Variants in STING1 observed in about 807,000 individuals in gnomAD.
STING1 encodes stimulator of interferon response cGAMP interactor 1.
In STING1, 19 loss-of-function variants were observed where a neutral mutation model predicts 31.6. The ratio of observed to expected loss-of-function variants is 0.60; its 90% CI spans 0.42 to 0.88. The LOEUF (loss-of-function observed/expected upper bound fraction) is 0.88, where lower values mean the gene tolerates loss of function less well. Ranked by LOEUF, STING1 falls within the 40% of genes least tolerant of loss-of-function variation. The pLI is 0.00. For synonymous variants in STING1, 200 were observed against 208.6 expected (o/e 0.96, Z 0.35); for missense variants, 371 against 483.7 (o/e 0.77, Z 2.19).
chr5:139,477,025 C>T (rs1030151538), intron 7 of STING1, among the ~76,000 whole-genome samples: 1 of 152,086 alleles, frequency 6.6e-6, no homozygotes, highest in African/African-American at 2.4e-5. Flanking sequence ...GTAGTAGAGC[C>T]GAGGCTGCAG....
At chr5:139,477,002 A>T (rs1244352764) in intron 7 of STING1, among the ~76,000 whole-genome samples, 1 of 151,976 alleles carries the variant, frequency 6.6e-6, no homozygotes, top group African/African-American at 2.4e-5. Flanking sequence ...GCCCGAGGTC[A>T]CACAGTGAGG....
chr5:139,476,501 C>T (rs201282405), intron 7 of STING1, 47 bp from the exon 8 acceptor site: 1 of 1,556,922 alleles, frequency 6.4e-7, no homozygotes, highest in East Asian at 2.3e-5. Context: ...CTTACCCATT[C>T]CCACTCAAAC....
intron 7 of STING1, among the ~76,000 whole-genome samples, chr5:139,476,802 G>T (rs1157645862): frequency 1.3e-5 from 2 of 151,916 alleles, no homozygotes; most frequent in African/African-American, 4.8e-5. Context: ...CTACTTGGGA[G>T]GCTGAGGCAG....
At chr5:139,480,374 T>G (rs1335815785) in intron 5 of STING1, among the ~76,000 whole-genome samples, 1 of 152,058 alleles carries the variant, frequency 6.6e-6, no homozygotes. Context: ...GGTGAAACCC[T>G]GTCTCTACTA....
At chr5:139,476,672 C>T (rs575273362) in intron 7 of STING1, among the ~76,000 whole-genome samples, 2 of 151,992 alleles carry the variant, frequency 1.3e-5, no homozygotes, top group South Asian at 4.2e-4. Context: ...TTTGGGAGGC[C>T]GAGGCAGGTA....
Position 139,477,393 on chromosome 5 carries a change from T to G in STING1, c.882A>C (p.Thr294=), listed in dbSNP as rs1561482444. 6.2e-7 allele frequency: 1 copy of G among 1,614,176 alleles called. No individual in the cohort carries two copies. The highest frequency in any genetic ancestry group is 8.5e-7 in the Non-Finnish European group (1 of 1,180,016). The part of the protein sequence containing the change: ...RLEQAKLFCR[T]LEDILADAPE... ...GGGCATCTGCCAGGATGTCCTCAAG[T>G]GTCCGGCAGAAGAGTTTGGCCTGCT... The change falls in exon 7 of 8, where the codon ACA becomes ACC. Residue 294 remains threonine (T), a synonymous_variant. Coordinates refer to ENST00000330794, the MANE Select transcript of STING1 (RefSeq NM_198282.4).
chr5:139,477,312 C>T lies in STING1; in HGVS notation c.946+17G>A. On this transcript the variant is annotated intron_variant, in intron 7 of 7. Transcript: ENST00000330794. The stretch of plus-strand genomic sequence containing the variant: ...TGCCCTCCAGCCTATCAACCCCTCA[C>T]CCTACCAACCCCTCACCCTGGTAGG... 6.2e-7 allele frequency: 1 copy of T among 1,611,548 alleles called. No individual in the cohort carries two copies. The highest frequency in any genetic ancestry group is 8.5e-7 in the Non-Finnish European group (1 of 1,179,014).
chr5:139,476,497 C>G (rs374785732), intron 7 of STING1, 43 bp from the exon 8 acceptor site: 2 of 1,573,308 alleles, frequency 1.3e-6, no homozygotes, highest in African/African-American at 1.4e-5. Context: ...GGATCTTACC[C>G]ATTCCCACTC....
chr5:139,476,644 C>T (rs547350245), intron 7 of STING1, among the ~76,000 whole-genome samples, 190 bp from the exon 8 acceptor site: 127 of 152,122 alleles, frequency 8.3e-4, no homozygotes, highest in African/African-American at 2.8e-3. Flanking sequence ...CAGTGGCTCA[C>T]GCCTGTAATC....
chr5:139,477,115 CT>C (rs1357420964), intron 7 of STING1, among the ~76,000 whole-genome samples: 9 of 152,076 alleles, frequency 5.9e-5, no homozygotes, highest in African/African-American at 1.9e-4. Flanking sequence ...TGAGAGGCCC[CT>C]AGAACCCACC....
Position 139,478,444 on chromosome 5 carries a change from G to A in STING1, c.585C>T (p.Ser195=), listed in dbSNP as rs1038007276. ...ATGGGAGGAGAATATACAGCCGCTG[G>A]CTCACTGCACCCCGTAGCAGGTTGT... ...HYNNLLRGAV[S]QRLYILLPLD... The change falls in exon 6 of 8, where the codon AGC becomes AGT. Residue 195 remains serine, a synonymous_variant. Transcript: ENST00000330794. 6.2e-7 allele frequency: 1 copy of A among 1,614,066 alleles called. No individual in the cohort carries two copies. The highest frequency in any genetic ancestry group is 8.5e-7 in the Non-Finnish European group (1 of 1,180,036).
rs371971795 is a variant in STING1, at chr5:139,478,303, G to A, written c.726C>T (p.Asn242=). 17 of 1,613,960 alleles carry A rather than the reference G, an allele frequency of 1.1e-5. No individual in the cohort carries two copies. The highest frequency in any genetic ancestry group is 1.4e-5 in the Non-Finnish European group (16 of 1,180,004). The change falls in exon 6 of 8, where the codon AAC becomes AAT. Residue 242 remains asparagine, a synonymous_variant. Transcript: ENST00000330794. ...HAGIKDRVYS[N]SIYELLENGQ... Reference sequence around the variant, plus strand: ...CGTTCTCCAGAAGCTCATAGATGCTGTTGCTGTAAACCCGATCCTTGATGC... The same window carrying A: ...CGTTCTCCAGAAGCTCATAGATGCTATTGCTGTAAACCCGATCCTTGATGC...
At position 139,477,453 on chromosome 5, in the gene STING1, G is replaced by T; in HGVS notation, c.822C>A (p.Tyr274Ter). ...PLQTLFAMSQ[Y>*]SQAGFSREDR... is the part of the protein sequence containing the mutation. ...CCTCCCGGCTAAAGCCAGCTTGACT[G>T]TATTGTGACATGGCAAACAAAGTCT... Residue 274 changes from tyrosine (Y) to a stop codon, truncating the protein, a stop_gained, in exon 7 of 8, where the codon TAC (tyrosine) becomes TAA (stop). Coordinates refer to ENST00000330794, the MANE Select transcript of STING1 (RefSeq NM_198282.4). LOFTEE classifies it high-confidence loss of function. The T allele has an allele frequency of 6.2e-7, 1 of 1,614,232 alleles. No homozygotes were observed. The highest frequency in any genetic ancestry group is 1.1e-5 in the South Asian group (1 of 91,090).
Position 139,481,654 on chromosome 5 carries a change from C to T in STING1, c.51G>A (p.Gly17=), listed in dbSNP as rs771285597. 1.2e-6 allele frequency: 2 copies of T among 1,611,278 alleles called. No homozygotes were observed. Among genetic ancestry groups the T allele is most frequent in the Admixed American group, 1.7e-5 (1 of 59,960 alleles). Residue 17 remains glycine, a synonymous_variant, in exon 3 of 8, where the codon GGG becomes GGA. Transcript: ENST00000330794. The surrounding 1 kb of genome is among the most constrained non-coding windows in gnomAD (Gnocchi z 4.1). ...GCAGAACCAAGGCTGCCTTCTGGGC[C>T]CCGTGACCCCTGGGACACGGGATGG... ...HPSIPCPRGH[G]AQKAALVLLS...
At chr5:139,477,276 C>G in intron 7 of STING1, 53 bp downstream of exon 7, 1 of 1,584,296 alleles carries the variant, frequency 6.3e-7, no homozygotes, top group Non-Finnish European at 8.6e-7. Context: ...CCTGGGACCC[C>G]TGACTCCTCC....
At chr5:139,480,954 C>T in intron 4 of STING1, 56 bp from the exon 5 acceptor site, 1 of 1,386,972 alleles carries the variant, frequency 7.2e-7, no homozygotes, top group East Asian at 2.3e-5. Context: ...CAGAGAACTC[C>T]TCCTCCTCCT....
intron 5 of STING1, chr5:139,479,277 AC>A (rs1751760573): frequency 1.4e-5 from 2 of 144,844 alleles, no homozygotes; most frequent in African/African-American, 2.6e-5. Context: ...AACAACAACA[AC>A]AACAAACACA....
chr5:139,478,029 G>A (rs1279024366), intron 6 of STING1, among the ~76,000 whole-genome samples: 1 of 152,194 alleles, frequency 6.6e-6, no homozygotes, highest in African/African-American at 2.4e-5. Context: ...CCATAGGGTG[G>A]TGGTGAGAAT....
intron 5 of STING1, among the ~76,000 whole-genome samples, chr5:139,480,068 G>A (rs1751790824): frequency 6.6e-6 from 1 of 151,524 alleles, no homozygotes; most frequent in Non-Finnish European, 1.5e-5. Context: ...TGTTATCTCG[G>A]CACTTTGGGA....
Sources: allele counts gnomAD v4.1 joint callset (sites outside exome capture counted in the v4.1 genomes callset), GRCh38; gene constraint gnomAD v4.1.1; non-coding constraint Gnocchi (gnomAD v3.1); transcripts MANE v1.5; gene names NCBI Gene and HGNC (gene_info 2026-07-23, HGNC 2026-07-21).